MOSMO: variants seen among roughly 807,000 people sequenced by gnomAD.
MOSMO encodes modulator of smoothened.
A neutral mutation model predicts 18.4 loss-of-function variants in MOSMO; 5 were observed. That is an observed-to-expected ratio of 0.27 (90% CI 0.14 to 0.57). The LOEUF is 0.57. Among genes scored for constraint, MOSMO ranks in the 20% least tolerant of loss-of-function variants. The pLI is 0.92. For synonymous variants in MOSMO, 82 were observed against 82.3 expected, an observed-to-expected ratio of 1.00 and a Z score of 0.02; for missense variants, 138 against 211.8, an observed-to-expected ratio of 0.65 and a Z score of 2.16.
intron 1 of MOSMO, among the ~76,000 whole-genome samples, chr16:22,013,031 T>A (rs896807810): frequency 6.6e-6 from 1 of 152,160 alleles, no homozygotes; most frequent in South Asian, 2.1e-4. Context: ...AAATATTAAA[T>A]GTAGATGAAT....
Position 22,082,406 on chromosome 16 carries a change from A to C in MOSMO, c.*1526A>C, listed in dbSNP as rs997650981. On this transcript the variant is annotated 3_prime_UTR_variant, in exon 3 of 3. Transcript: ENST00000542527. ...TCAATGCTTGTTTTTCCTGGTGAACACTATAGATAATCTCCTGTTTGAAAT... is the reference window on the plus strand; with the variant it reads ...TCAATGCTTGTTTTTCCTGGTGAACCCTATAGATAATCTCCTGTTTGAAAT... The C allele has an allele frequency of 6.6e-6, 1 of 152,170 alleles. No homozygotes were observed. Among genetic ancestry groups the C allele is most frequent in the Non-Finnish European group, 1.5e-5 (1 of 68,028 alleles). The allele number at this position is 152,170 out of a possible 1,614,324, so 9.4% of individuals were successfully genotyped here. A position where few individuals can be genotyped will look rare whatever the true frequency, so the allele number is the denominator to read the frequency against.
chr16:22,084,960 C>A (rs577463196), downstream of MOSMO, among the ~76,000 whole-genome samples: 78 of 152,282 alleles, frequency 5.1e-4, no homozygotes, highest in African/African-American at 1.9e-3. Context: ...AGAGAGAAAC[C>A]AAGCCAAAGC....
At chr16:22,018,501 G>T (rs1899686852) in intron 1 of MOSMO, among the ~76,000 whole-genome samples, 2 of 152,130 alleles carry the variant, frequency 1.3e-5, no homozygotes, top group South Asian at 4.1e-4. Flanking sequence ...TTTGATAAAA[G>T]AAATCTTTAA....
downstream of MOSMO, among the ~76,000 whole-genome samples, chr16:22,088,097 A>G (rs1340445926): frequency 6.6e-6 from 1 of 152,058 alleles, no homozygotes; most frequent in Admixed American, 6.5e-5. Context: ...CAATGGCACA[A>G]TCCTCAGCCT....
intron 1 of MOSMO, among the ~76,000 whole-genome samples, chr16:22,061,823 T>C (rs567786322): frequency 6.6e-6 from 1 of 152,328 alleles, no homozygotes; most frequent in South Asian, 2.1e-4. Context: ...TAATGAGGGA[T>C]TGATTTTATA....
intron 1 of MOSMO, chr16:22,064,301 T>C: frequency 2.2e-6 from 1 of 456,430 alleles, no homozygotes; most frequent in Non-Finnish European, 4.4e-6. Flanking sequence ...GCCACAAGAA[T>C]TAACCTACCA....
At chr16:22,042,078 A>G (rs1443682984) in intron 1 of MOSMO, among the ~76,000 whole-genome samples, 1 of 152,148 alleles carries the variant, frequency 6.6e-6, no homozygotes, top group Non-Finnish European at 1.5e-5. Flanking sequence ...CAGGTGGAGG[A>G]GGGCAAATAA....
At chr16:22,039,466 T>G (rs1900169843) in intron 1 of MOSMO, among the ~76,000 whole-genome samples, 1 of 152,172 alleles carries the variant, frequency 6.6e-6, no homozygotes, top group South Asian at 2.1e-4. Context: ...TGTAAGGAAT[T>G]TTTTAGAAAA....
At chr16:22,055,251 C>T (rs1218088720) in intron 1 of MOSMO, among the ~76,000 whole-genome samples, 3 of 152,264 alleles carry the variant, frequency 2.0e-5, no homozygotes, top group African/African-American at 7.2e-5. Context: ...CCTTCTGCTT[C>T]TGTGTGTGTG....
chr16:22,019,550 A>AT (rs1241429644), intron 1 of MOSMO, among the ~76,000 whole-genome samples: 1 of 152,056 alleles, frequency 6.6e-6, no homozygotes, highest in Non-Finnish European at 1.5e-5. Flanking sequence ...TGTAGTATAG[A>AT]TTTTTTTAAA....
In MOSMO at chr16:22,051,998, A is replaced by G. The variant is rs12925797; in HGVS notation, c.107-23489A>G. Among the ~76,000 whole-genome samples the G allele has an allele frequency of 1.8e-4, 28 of 152,188 alleles. No individual in the cohort carries two copies. The East Asian group carries it at 4.8e-3, about 26-fold the overall frequency. On this transcript the variant is annotated intron_variant, in intron 1 of 2. Coordinates refer to ENST00000542527, the MANE Select transcript of MOSMO (RefSeq NM_001164579.2). ...AACATGGTTTGAGAGTTTTTTTCCT[A>G]TATATATGTGGAATAATTTGGCAAT...
intron 1 of MOSMO, among the ~76,000 whole-genome samples, chr16:22,042,853 T>C (rs937436862): frequency 6.6e-6 from 1 of 152,222 alleles, no homozygotes; most frequent in African/African-American, 2.4e-5. Flanking sequence ...AACTCTGAGA[T>C]AGATAACGGA....
At chr16:22,047,055 T>C (rs980280736) in intron 1 of MOSMO, among the ~76,000 whole-genome samples, 5 of 152,210 alleles carry the variant, frequency 3.3e-5, no homozygotes, top group Admixed American at 6.5e-5. Context: ...CTGGAACTAC[T>C]ATCAGTTTTC....
At chr16:22,023,934 T>C (rs546717553) in intron 1 of MOSMO, among the ~76,000 whole-genome samples, 20 of 151,350 alleles carry the variant, frequency 1.3e-4, no homozygotes, top group Admixed American at 7.9e-4. Flanking sequence ...AATTCTTCAG[T>C]GATTCTGCTT....
chr16:22,024,861 G>T (rs1188554810), intron 1 of MOSMO, among the ~76,000 whole-genome samples: 2 of 152,092 alleles, frequency 1.3e-5, no homozygotes, highest in Non-Finnish European at 2.9e-5. Context: ...AATTCTACCT[G>T]TTCTGTCTGG....
chr16:22,009,804 C>CAAAAAAAAAAAAAA (rs56313303), intron 1 of MOSMO, among the ~76,000 whole-genome samples: 15 of 35,966 alleles, frequency 4.2e-4, no homozygotes, highest in East Asian at 1.3e-3. Flanking sequence ...ACTAAAAATA[C>CAAAAAAAAAAAAAA]AAAAAAAAAA....
intron 1 of MOSMO, among the ~76,000 whole-genome samples, chr16:22,020,111 G>A (rs1597997153): frequency 2.0e-5 from 3 of 150,534 alleles, no homozygotes; most frequent in African/African-American, 7.3e-5. Flanking sequence ...TACTCAGGAG[G>A]CTGAGGCAGG....
downstream of MOSMO, chr16:22,086,934 A>G (rs1423438311): frequency 6.6e-6 from 1 of 152,226 alleles, no homozygotes; most frequent in Non-Finnish European, 1.5e-5. Flanking sequence ...TCAATCTGCC[A>G]GGTTTGTTTC....
At position 22,083,555 on chromosome 16, in the gene MOSMO, A is replaced by G. The variant is rs1901119590; in HGVS notation, c.*2675A>G. On this transcript the variant is annotated 3_prime_UTR_variant, in exon 3 of 3. Transcript: ENST00000542527. ...GTTGCTTTTAAAAAAGGTCACTATA[A>G]TAAGTACTATATAGTACAGTATTAA... 2 of 371,628 alleles carry G rather than the reference A, an allele frequency of 5.4e-6. No individual in the cohort carries two copies. The highest frequency in any genetic ancestry group is 4.1e-5 in the South Asian group (2 of 49,102). 23.0% of individuals were successfully genotyped at this position (371,628 alleles called of 1,614,324 possible).
Sources: gnomAD v4.1 joint callset for allele counts (sites outside exome capture counted in the v4.1 genomes callset) on GRCh38, gnomAD v4.1.1 for gene constraint, MANE v1.5 for transcripts, NCBI Gene and HGNC (gene_info 2026-07-23, HGNC 2026-07-21) for gene names.